Variants in RPGRIP1L observed in about 807,000 individuals in gnomAD.
RPGRIP1L encodes RPGRIP1 like, also known as protein fantom.
Under a neutral mutation model 160.4 loss-of-function variants are expected in RPGRIP1L, and 131 were observed. The ratio of observed to expected loss-of-function variants is 0.82; its 90% CI spans 0.71 to 0.94. The LOEUF is 0.94. Among genes scored for constraint, RPGRIP1L ranks in the 40% least tolerant of loss-of-function variants. The pLI, the probability that RPGRIP1L is intolerant of heterozygous loss-of-function variation, is 0.00. For synonymous variants in RPGRIP1L, 510 were observed against 515.8 expected, an observed-to-expected ratio of 0.99 and a Z score of 0.15; for missense variants, 1,522 against 1,535.8, an observed-to-expected ratio of 0.99 and a Z score of 0.15.
At chr16:53,659,766 T>C (rs1029316491) in intron 10 of RPGRIP1L, 2 of 151,940 alleles carry the variant, frequency 1.3e-5, no homozygotes, top group Admixed American at 6.6e-5. Flanking sequence ...TGTAGTCCCA[T>C]CTACTTGGGA....
intron 15 of RPGRIP1L, 97 bp downstream of exon 15, chr16:53,652,438 C>A (rs925339411): frequency 1.4e-5 from 14 of 978,076 alleles, no homozygotes; most frequent in Non-Finnish European, 2.2e-5. Flanking sequence ...CTAAAGGCAC[C>A]TTTAATATAC....
chr16:53,693,769 G>A (rs759854149), intron 3 of RPGRIP1L: 1 of 152,132 alleles, frequency 6.6e-6, no homozygotes, highest in Non-Finnish European at 1.5e-5. Context: ...GCCCTTTAAT[G>A]AGTTTAGGGT....
intron 4 of RPGRIP1L, among the ~76,000 whole-genome samples, chr16:53,689,062 CTATATATATATATATGTTATATATATGT>C (rs917838675): frequency 1.4e-5 from 2 of 146,620 alleles, no homozygotes; most frequent in South Asian, 2.1e-4. Flanking sequence ...TTGCCAATGG[CTATATATATATATATGTTATATATATGT>C]TATATATATA....
rs771058410 is a variant in RPGRIP1L at position 53,672,911 on chromosome 16, G to C, written c.988C>G (p.Gln330Glu). Residue 330 changes from glutamine to glutamate, a missense_variant, in exon 8 of 27, where the codon CAA becomes GAA. Gln to Glu is a conservative substitution (Grantham distance 29, BLOSUM62 2). Coordinates refer to ENST00000647211, the MANE Select transcript of RPGRIP1L (RefSeq NM_015272.5). ...TCAGAAAACTTCATAGAATGTAATT[G>C]TTTCTCAAGACTGCAGCATTTTAAA... ...QRLKCCSLEKQLHSMKFSERR... is the reference protein window; with the variant it reads ...QRLKCCSLEKELHSMKFSERR... 6.2e-7 allele frequency: 1 copy of C among 1,613,062 alleles called. No individual in the cohort carries two copies. Among genetic ancestry groups the C allele is most frequent in the Admixed American group, 1.7e-5 (1 of 59,956 alleles).
chr16:53,671,962 C>A (rs1968774936), intron 8 of RPGRIP1L, among the ~76,000 whole-genome samples: 1 of 151,886 alleles, frequency 6.6e-6, no homozygotes, highest in Non-Finnish European at 1.5e-5. Flanking sequence ...TACAATTAGC[C>A]CATAAAGAAT....
intron 10 of RPGRIP1L, 62 bp downstream of exon 10, chr16:53,664,808 T>G: frequency 6.4e-7 from 1 of 1,567,034 alleles, no homozygotes; most frequent in Admixed American, 1.7e-5. Context: ...AAGTACTGAC[T>G]GATTCAATGA....
At chr16:53,695,430 T>C (rs1180684788) in intron 3 of RPGRIP1L, 1 of 702,994 alleles carries the variant, frequency 1.4e-6, no homozygotes, top group South Asian at 1.5e-5. Flanking sequence ...TTTTCATTCT[T>C]CAATGGTTGT....
At position 53,605,623 on chromosome 16, in the gene RPGRIP1L, G is replaced by T. The variant is rs767511260; in HGVS notation, c.3702-9C>A. On this transcript the variant is annotated splice_polypyrimidine_tract_variant and intron_variant, in intron 25 of 26. Coordinates refer to ENST00000647211, the MANE Select transcript of RPGRIP1L (RefSeq NM_015272.5). Reference sequence around the variant, plus strand: ...CCACGGTGAAGCGAAGGCTGGTAAGGCAGAGATCAGAGAAAGTCACCACCA... The same window carrying T: ...CCACGGTGAAGCGAAGGCTGGTAAGTCAGAGATCAGAGAAAGTCACCACCA... 1 of 1,613,672 alleles carries T rather than the reference G, an allele frequency of 6.2e-7. No individual in the cohort carries two copies. Among genetic ancestry groups the T allele is most frequent in the Non-Finnish European group, 8.5e-7 (1 of 1,179,942 alleles).
intron 5 of RPGRIP1L, among the ~76,000 whole-genome samples, chr16:53,687,087 G>C (rs1970073311): frequency 1.3e-5 from 2 of 152,046 alleles, no homozygotes; most frequent in African/African-American, 4.8e-5. Context: ...GTGATCATCA[G>C]GTAACAAGGT....
chr16:53,681,429 T>C (rs1256722245), intron 6 of RPGRIP1L, among the ~76,000 whole-genome samples: 1 of 151,096 alleles, frequency 6.6e-6, no homozygotes, highest in African/African-American at 2.4e-5. Flanking sequence ...GGTTACTGCT[T>C]TGAATTTAAT....
intron 10 of RPGRIP1L, among the ~76,000 whole-genome samples, chr16:53,660,636 C>T (rs1270362210): frequency 6.6e-6 from 1 of 152,046 alleles, no homozygotes; most frequent in Non-Finnish European, 1.5e-5. Context: ...TGGCTCATGC[C>T]TGTAATCCCA....
chr16:53,648,911 A>C lies in RPGRIP1L; in HGVS notation c.2304+53T>G, dbSNP rs1598320208. 2.0e-6 allele frequency: 3 copies of C among 1,493,556 alleles called. No individual in the cohort carries two copies. In the East Asian group the frequency reaches 6.8e-5, roughly 34 times the overall value. The allele number at this position is 1,493,556 out of a possible 1,614,324, so 92.5% of individuals were successfully genotyped here. On this transcript the variant is annotated intron_variant, in intron 16 of 26. Coordinates refer to ENST00000647211, the MANE Select transcript of RPGRIP1L (RefSeq NM_015272.5). ...TAGTTTAAAGCACGACACATAAATAAATATTATAAAATTTCTATGTCATAA... is the reference window on the plus strand; with the variant it reads ...TAGTTTAAAGCACGACACATAAATACATATTATAAAATTTCTATGTCATAA...
chr16:53,697,456 T>C (rs1970868440), intron 2 of RPGRIP1L, among the ~76,000 whole-genome samples: 1 of 152,060 alleles, frequency 6.6e-6, no homozygotes, highest in African/African-American at 2.4e-5. Flanking sequence ...CACTGCAACC[T>C]CCCTGCCTGA....
In RPGRIP1L at chr16:53,686,452, G is replaced by C; in HGVS notation, c.757C>G (p.Gln253Glu). The C allele has an allele frequency of 6.2e-7, 1 of 1,613,326 alleles. No homozygotes were observed. The highest frequency in any genetic ancestry group is 8.5e-7 in the Non-Finnish European group (1 of 1,179,700). ...IELSLLQLRE[Q>E]QATDQRSNIR... Reference sequence around the variant, plus strand: ...ACATACCTTTGATCTGTAGCTTGCTGTTCTCGAAGCTGAAGAAGAGATAAC... The same window carrying C: ...ACATACCTTTGATCTGTAGCTTGCTCTTCTCGAAGCTGAAGAAGAGATAAC... The change falls in exon 6 of 27, where the codon CAG becomes GAG. Residue 253 changes from glutamine (Q) to glutamate (E), a missense_variant. Transcript: ENST00000647211.
At chr16:53,690,552 A>T (rs746622147) in intron 4 of RPGRIP1L, among the ~76,000 whole-genome samples, 2 of 151,822 alleles carry the variant, frequency 1.3e-5, no homozygotes, top group African/African-American at 4.8e-5. Context: ...CTAGACTCAA[A>T]CTCCTGGGCT....
intron 6 of RPGRIP1L, among the ~76,000 whole-genome samples, chr16:53,685,502 T>TAC (rs1969939578): frequency 6.6e-6 from 1 of 152,172 alleles, no homozygotes; most frequent in Non-Finnish European, 1.5e-5. Context: ...GGTACATACA[T>TAC]ACCATGGAAT....
At chr16:53,626,320 G>A (rs1221322482) in intron 22 of RPGRIP1L, among the ~76,000 whole-genome samples, 1 of 152,134 alleles carries the variant, frequency 6.6e-6, no homozygotes, top group Non-Finnish European at 1.5e-5. Flanking sequence ...TTCCTCTGCA[G>A]GCTACCAGCA....
At chr16:53,646,865 A>G (rs1183765172) in intron 16 of RPGRIP1L, among the ~76,000 whole-genome samples, 4 of 152,158 alleles carry the variant, frequency 2.6e-5, no homozygotes, top group Non-Finnish European at 5.9e-5. Flanking sequence ...TGTTGTCATA[A>G]TCTCCTTAGT....
At chr16:53,703,035 G>C (rs1170657315) in intron 1 of RPGRIP1L, among the ~76,000 whole-genome samples, 1 of 152,158 alleles carries the variant, frequency 6.6e-6, no homozygotes, top group Admixed American at 6.5e-5. Flanking sequence ...TTGCGAGGCC[G>C]AGACGGGCGG....
Sources: allele counts gnomAD v4.1 joint callset (sites outside exome capture counted in the v4.1 genomes callset), GRCh38; gene constraint gnomAD v4.1.1; transcripts MANE v1.5; gene names NCBI Gene and HGNC (gene_info 2026-07-23, HGNC 2026-07-21).